The following CELF2 variants were observed in gnomAD, a reference collection of about 807,000 sequenced individuals.
CELF2 encodes the protein CUGBP Elav-like family member 2.
CELF2 carries 8 observed loss-of-function variants against 62.6 expected under a neutral mutation model. The ratio of observed to expected loss-of-function variants is 0.13; its 90% CI spans 0.07 to 0.23. The LOEUF is 0.23. Ranked by LOEUF, CELF2 falls within the 10% of genes least tolerant of loss-of-function variation. CELF2 has a pLI of 1.00. For synonymous variants in CELF2, 258 were observed against 250.0 expected, an observed-to-expected ratio of 1.03 and a Z score of -0.30; for missense variants, 333 against 671.0, an observed-to-expected ratio of 0.50 and a Z score of 5.56.
At chr10:10,912,534 T>C (rs1345708103) in intron 1 of CELF2, among the ~76,000 whole-genome samples, 2 of 152,148 alleles carry the variant, frequency 1.3e-5, no homozygotes, top group Non-Finnish European at 2.9e-5. Context: ...CATGTCCAGC[T>C]AATTTTTCTA....
chr10:10,606,301 A>AT, the CELF2 span, among the ~76,000 whole-genome samples: 1 of 152,214 alleles, frequency 6.6e-6, no homozygotes, highest in African/African-American at 2.4e-5. Flanking sequence ...CCTTAGAAGG[A>AT]TTTAGGCTGT....
chr10:11,077,230 TAGGG>T (rs1442209159), intron 1 of CELF2, among the ~76,000 whole-genome samples: 2 of 152,186 alleles, frequency 1.3e-5, no homozygotes, highest in African/African-American at 2.4e-5. Flanking sequence ...AGTGTGCACA[TAGGG>T]AGGAATGTGT....
Position 11,242,936 on chromosome 10 carries a change from G to C in CELF2, c.355-6217G>C, listed in dbSNP as rs113208342. Among the ~76,000 whole-genome samples, 13 of 152,200 alleles carry C rather than the reference G, an allele frequency of 8.5e-5. No individual in the cohort carries two copies. The highest frequency in any genetic ancestry group is 7.7e-4 in the East Asian group (4 of 5,194). ...CAGGGCGACAGGGACGGAGGCGCCG[G>C]TGGCAACTGGTGCTGGGTCAGAACC... is the stretch of plus-strand genomic sequence containing the variant. On this transcript the variant is annotated intron_variant, in intron 3 of 12. Transcript: ENST00000633077. This position sits in a 1 kb window ranked among gnomAD's most constrained non-coding sequence, Gnocchi z 4.8.
chr10:11,309,596 G>A lies in CELF2; in HGVS notation c.977-4543G>A, dbSNP rs183338319. On this transcript the variant is annotated intron_variant, in intron 9 of 12. Coordinates refer to ENST00000633077, the MANE Select transcript of CELF2 (RefSeq NM_001326342.2). The surrounding 1 kb of genome is among the most constrained non-coding windows in gnomAD (Gnocchi z 5.6). ...TATTTTTGGCCCAGGAGCATAAATT[G>A]TCCCCACAGTCTGCTCTGATTGTCC... is the stretch of plus-strand genomic sequence containing the variant. Among the ~76,000 whole-genome samples the A allele has an allele frequency of 1.5e-4, 23 of 149,346 alleles. No homozygotes were observed. Among genetic ancestry groups the A allele is most frequent in the Non-Finnish European group, 3.3e-4 (22 of 66,226 alleles).
chr10:10,891,073 G>C (rs1401030967), intron 1 of CELF2, among the ~76,000 whole-genome samples: 2 of 152,132 alleles, frequency 1.3e-5, no homozygotes, highest in Non-Finnish European at 2.9e-5. Flanking sequence ...TAGGGAAGCT[G>C]AATATTCAGT....
upstream of CELF2, among the ~76,000 whole-genome samples, chr10:11,004,260 C>T (rs2054826377): frequency 4.6e-5 from 7 of 152,104 alleles, no homozygotes; most frequent in South Asian, 1.5e-3. This position sits in a 1 kb window ranked among gnomAD's most constrained non-coding sequence, Gnocchi z 5.0. Context: ...GATTCAGTGA[C>T]CCACGTCTGT....
At chr10:11,294,472 T>C (rs1400479897) in intron 9 of CELF2, among the ~76,000 whole-genome samples, 1 of 152,220 alleles carries the variant, frequency 6.6e-6, no homozygotes, top group Non-Finnish European at 1.5e-5. Flanking sequence ...CTCTTTTTCT[T>C]CTTACACCCA....
chr10:10,971,772 A>C (rs2050780518), intron 2 of CELF2, among the ~76,000 whole-genome samples: 1 of 152,112 alleles, frequency 6.6e-6, no homozygotes, highest in Non-Finnish European at 1.5e-5. Flanking sequence ...TTTTTAGTAG[A>C]GATGGAGTTT....
At chr10:10,914,134 A>ATT (rs1564811918) in intron 1 of CELF2, among the ~76,000 whole-genome samples, 51 of 149,240 alleles carry the variant, frequency 3.4e-4, no homozygotes, top group African/African-American at 1.2e-3. Flanking sequence ...CTTTTTTTAA[A>ATT]AAAAAAAAAT....
At chr10:11,287,456 C>G (rs2091619671) in intron 8 of CELF2, among the ~76,000 whole-genome samples, 1 of 152,190 alleles carries the variant, frequency 6.6e-6, no homozygotes, top group Non-Finnish European at 1.5e-5. Context: ...ATTGTTGCCC[C>G]AAATCTCTCA....
At chr10:10,866,607 CAAAAA>C (rs55875778) in intron 1 of CELF2, among the ~76,000 whole-genome samples, 21 of 52,516 alleles carry the variant, frequency 4.0e-4, no homozygotes, top group African/African-American at 1.5e-3. Flanking sequence ...TCCATCCTCT[CAAAAA>C]AAAAAAAAAA....
chr10:11,210,668 C>G (rs1425914675), intron 2 of CELF2, among the ~76,000 whole-genome samples: 1 of 152,220 alleles, frequency 6.6e-6, no homozygotes, highest in Non-Finnish European at 1.5e-5. Context: ...CTCCTTGCTT[C>G]AGGCGGGTGG....
the CELF2 span, among the ~76,000 whole-genome samples, chr10:10,644,927 C>T: frequency 6.6e-6 from 1 of 152,030 alleles, no homozygotes; most frequent in Non-Finnish European, 1.5e-5. Flanking sequence ...CAGTGACAGG[C>T]GGATGAAGTG....
chr10:11,303,387 A>C (rs1272417752), intron 9 of CELF2, among the ~76,000 whole-genome samples: 1 of 152,226 alleles, frequency 6.6e-6, no homozygotes, highest in African/African-American at 2.4e-5. Context: ...AAAATTAGTC[A>C]TCCATCCAGT....
At chr10:10,999,109 CTT>C (rs944613801) in intron 2 of CELF2, among the ~76,000 whole-genome samples, 1 of 152,160 alleles carries the variant, frequency 6.6e-6, no homozygotes, top group Non-Finnish European at 1.5e-5. Flanking sequence ...CCTTCCTAAT[CTT>C]TTTGTCTCTC....
In CELF2 at chr10:11,260,915, T is replaced by C. The variant is rs2080345400; in HGVS notation, c.538+3043T>C. On this transcript the variant is annotated intron_variant, in intron 5 of 12. Transcript: ENST00000633077. This position sits in a 1 kb window ranked among gnomAD's most constrained non-coding sequence, Gnocchi z 4.2. ...TGCTTTCATTAAAGAATTGCAGTTT[T>C]GAATCAAATATTAATGTGTCTCCCA... is the stretch of plus-strand genomic sequence containing the variant. Among the ~76,000 whole-genome samples the C allele has an allele frequency of 6.6e-6, 1 of 152,184 alleles. No homozygotes were observed. The highest frequency in any genetic ancestry group is 1.5e-5 in the Non-Finnish European group (1 of 68,038).
intron 8 of CELF2, among the ~76,000 whole-genome samples, chr10:11,279,150 G>T (rs1411148559): frequency 6.6e-6 from 1 of 152,184 alleles, no homozygotes; most frequent in East Asian, 1.9e-4. Flanking sequence ...TACTAAACCA[G>T]TTCCAGAGGT....
upstream of CELF2, among the ~76,000 whole-genome samples, chr10:11,017,088 T>C (rs1219633157): frequency 6.6e-6 from 1 of 152,242 alleles, no homozygotes; most frequent in Non-Finnish European, 1.5e-5. The surrounding 1 kb of genome is among the most constrained non-coding windows in gnomAD (Gnocchi z 5.5). Context: ...GCAAATCACT[T>C]AAAAATTAAA....
the CELF2 span, among the ~76,000 whole-genome samples, chr10:10,786,162 C>G: frequency 1.3e-5 from 2 of 152,186 alleles, no homozygotes; most frequent in African/African-American, 4.8e-5. Context: ...CACACAGGAG[C>G]TGGAATTGCT....
Sources: allele counts gnomAD v4.1 joint callset (sites outside exome capture counted in the v4.1 genomes callset), GRCh38; gene constraint gnomAD v4.1.1; non-coding constraint Gnocchi (gnomAD v3.1); transcripts MANE v1.5; gene names NCBI Gene and HGNC (gene_info 2026-07-23, HGNC 2026-07-21).